The following HMCN2 variants were observed in gnomAD, a reference collection of about 807,000 sequenced individuals.
HMCN2 encodes hemicentin 2, also known as hemicentin-2.
HMCN2 carries 325 observed loss-of-function variants against 377.5 expected under a neutral mutation model. The ratio of observed to expected loss-of-function variants is 0.86; its 90% confidence interval spans 0.79 to 0.94. The LOEUF is 0.94. Among genes scored for constraint, HMCN2 ranks in the 40% least tolerant of loss-of-function variants. The pLI is 0.00. For missense variants in HMCN2, 4,543 were observed against 4,725.3 expected (o/e 0.96, Z 1.13); for synonymous variants, 2,007 against 2,046.8 (o/e 0.98, Z 0.53).
intron 24 of HMCN2, among the ~76,000 whole-genome samples, chr9:130,341,631 G>T (rs1317754670): frequency 5.9e-5 from 9 of 152,188 alleles, no homozygotes; most frequent in Non-Finnish European, 5.9e-5. Flanking sequence ...TTACCCTTGG[G>T]TGGTGACCTG....
intron 31 of HMCN2, among the ~76,000 whole-genome samples, chr9:130,353,571 G>T (rs1296361436): frequency 6.6e-6 from 1 of 152,216 alleles, no homozygotes. Context: ...GACCAGAGGG[G>T]CACTTTGCAG....
intron 40 of HMCN2, 86 bp from the exon 41 acceptor site, chr9:130,364,628 T>C (rs948748940): frequency 5.7e-5 from 39 of 681,702 alleles, no homozygotes; most frequent in Admixed American, 1.9e-4. Context: ...CTGCTGCGAG[T>C]AGCTAGGCCT....
At position 130,433,172 on chromosome 9, in the gene HMCN2, C is replaced by G. The variant is rs1844865070; in HGVS notation, c.14895-176C>G. 4 of 517,530 alleles carry G rather than the reference C, an allele frequency of 7.7e-6. No homozygotes were observed. In the Admixed American group the frequency reaches 1.7e-4, roughly 22 times the overall value. 32.1% of individuals were successfully genotyped at this position (517,530 alleles called of 1,614,324 possible). A position where few individuals can be genotyped will look rare whatever the true frequency, so the allele number is the denominator to read the frequency against. On this transcript the variant is annotated intron_variant, in intron 97 of 97. Transcript: ENST00000683500. ...TCTCTGGGCTTCAGTTTGTTGAACT[C>G]TAAAACGGGCTAGCGTGGGAGCCTG...
chr9:130,365,823 C>T, intron 42 of HMCN2, 53 bp from the exon 43 acceptor site: 1 of 982,806 alleles, frequency 1.0e-6, no homozygotes, highest in Non-Finnish European at 1.2e-6. Flanking sequence ...CCTTGCTCAT[C>T]CCCTCCCCAT....
intron 90 of HMCN2, among the ~76,000 whole-genome samples, chr9:130,426,964 T>C (rs1161793427): frequency 3.3e-5 from 5 of 152,184 alleles, no homozygotes; most frequent in African/African-American, 7.2e-5. Flanking sequence ...TCTGACGCTA[T>C]CCTCTGCCCC....
rs551241710 is a variant in HMCN2, at chr9:130,430,927, A to G, written c.14647+323A>G. 116 of 383,018 alleles carry G rather than the reference A, an allele frequency of 3.0e-4. No homozygotes were observed. The Middle Eastern group carries it at 3.5e-3, about 12-fold the overall frequency. The allele number at this position is 383,018 out of a possible 1,614,324, so 23.7% of individuals were successfully genotyped here. ...ACACTCCTCTTAGCACTCAGAGGGA[A>G]AGCAGTCAGGGAGGGAGATTTTCAG... On this transcript the variant is annotated intron_variant, in intron 95 of 97. Transcript: ENST00000683500.
chr9:130,297,964 T>C (rs901348005), intron 7 of HMCN2, among the ~76,000 whole-genome samples: 1 of 151,604 alleles, frequency 6.6e-6, no homozygotes, highest in African/African-American at 2.4e-5. Context: ...TCCAAGATAA[T>C]TTTTTTTTGA....
At chr9:130,397,110 A>G (rs1842642458) in intron 73 of HMCN2, among the ~76,000 whole-genome samples, 1 of 152,240 alleles carries the variant, frequency 6.6e-6, no homozygotes, top group Non-Finnish European at 1.5e-5. Context: ...TGGGCAATTT[A>G]CAAAAGAAAG....
intron 15 of HMCN2, among the ~76,000 whole-genome samples, chr9:130,310,851 A>G (rs1200865898): frequency 2.0e-5 from 3 of 152,064 alleles, no homozygotes; most frequent in Admixed American, 6.5e-5. Flanking sequence ...TCAGTTTCCC[A>G]TGTGTAAAGT....
chr9:130,415,293 A>G (rs1209065096), intron 85 of HMCN2, among the ~76,000 whole-genome samples: 4 of 152,252 alleles, frequency 2.6e-5, no homozygotes, highest in Admixed American at 2.0e-4. Context: ...CTGATACTCA[A>G]CAGACACCAA....
chr9:130,395,291 G>A lies in HMCN2; in HGVS notation c.10855G>A (p.Val3619Met). The change falls in exon 71 of 98, where the codon GTG becomes ATG. Residue 3619 changes from valine to methionine, a missense_variant. Coordinates refer to ENST00000683500, the MANE Select transcript of HMCN2 (RefSeq NM_001291815.2). Reference sequence around the variant, plus strand: ...AGGGCAGCTGGTCCTGGAGTGTTCGGTGGAGGCAGAGCCAGCGCCCAAGAT... The same window carrying A: ...AGGGCAGCTGGTCCTGGAGTGTTCGATGGAGGCAGAGCCAGCGCCCAAGAT... ...APGQLVLECSVEAEPAPKITW... is the reference protein window; with the variant it reads ...APGQLVLECSMEAEPAPKITW... 7.8e-7 allele frequency: 1 copy of A among 1,289,606 alleles called. No homozygotes were observed. The highest frequency in any genetic ancestry group is 1.2e-5 in the South Asian group (1 of 81,004). The allele number at this position is 1,289,606 out of a possible 1,614,324, so 79.9% of individuals were successfully genotyped here.
chr9:130,338,668 C>A (rs1270160935), intron 23 of HMCN2: 1 of 152,186 alleles, frequency 6.6e-6, no homozygotes, highest in Non-Finnish European at 1.5e-5. Flanking sequence ...TCAAAGGGAG[C>A]CAGCCAGTGG....
chr9:130,373,887 G>T (rs1841225051), intron 48 of HMCN2, among the ~76,000 whole-genome samples: 1 of 150,138 alleles, frequency 6.7e-6, no homozygotes, highest in Non-Finnish European at 1.5e-5. Context: ...TGCATGGATG[G>T]ATGGATGGAT....
In HMCN2 at chr9:130,299,052, C is replaced by T. The variant is rs1554933189; in HGVS notation, c.1040C>T (p.Ser347Phe). 1 of 470,822 alleles carries T rather than the reference C, an allele frequency of 2.1e-6. No individual in the cohort carries two copies. Among genetic ancestry groups the T allele is most frequent in the Non-Finnish European group, 4.4e-6 (1 of 226,842 alleles). 29.2% of individuals were successfully genotyped at this position (470,822 alleles called of 1,614,324 possible). Residue 347 changes from serine (S) to phenylalanine (F), a missense_variant, in exon 8 of 98, where the codon TCC becomes TTC. By Grantham distance (155) the Ser-to-Phe change is radical (BLOSUM62 -2). Coordinates refer to ENST00000683500, the MANE Select transcript of HMCN2 (RefSeq NM_001291815.2). ...QGVPISLVIN[S>F]TGLKAPGRLD... ...GTCCCCATCTCCCTGGTGATCAATTCCACGGGCCTGAAGGCACCCGGCCGC... is the reference window on the plus strand; with the variant it reads ...GTCCCCATCTCCCTGGTGATCAATTTCACGGGCCTGAAGGCACCCGGCCGC...
chr9:130,325,302 G>A (rs1460911530), intron 19 of HMCN2, among the ~76,000 whole-genome samples: 1 of 151,868 alleles, frequency 6.6e-6, no homozygotes, highest in African/African-American at 2.4e-5. Flanking sequence ...CACCAAGTTG[G>A]CCAGGCTGGT....
intron 33 of HMCN2, 100 bp downstream of exon 33, chr9:130,355,954 C>T (rs968058369): frequency 1.4e-5 from 13 of 933,502 alleles, no homozygotes; most frequent in African/African-American, 3.4e-5. Flanking sequence ...TTCCTGTTTC[C>T]AGGAGTAGGA....
chr9:130,348,555 C>T lies in HMCN2; in HGVS notation c.4035C>T (p.Ser1345=), dbSNP rs577199870. 3.8e-6 allele frequency: 5 copies of T among 1,304,058 alleles called. No individual in the cohort carries two copies. Among genetic ancestry groups the T allele is most frequent in the South Asian group, 3.7e-5 (3 of 81,018 alleles). The allele number at this position is 1,304,058 out of a possible 1,614,324, so 80.8% of individuals were successfully genotyped here. ...CTCCTTGCCCCCAAGTGCCCCCCAG[C>T]ATCCGGGAGGACGGGCGCAAGGCCA... ...RAKLVVYVPP[S]IREDGRKANV... Residue 1345 remains serine, a synonymous_variant, in exon 27 of 98, where the codon AGC becomes AGT. Transcript: ENST00000683500.
At chr9:130,401,066 C>T (rs1842839358) in intron 77 of HMCN2, 119 bp downstream of exon 77, 1 of 904,360 alleles carries the variant, frequency 1.1e-6, no homozygotes. Context: ...ACTGCCTCTC[C>T]TGGCTGTGTG....
Position 130,397,620 on chromosome 9 carries a change from G to T in HMCN2, c.11291G>T (p.Gly3764Val). Residue 3764 changes from glycine (G) to valine (V), a missense_variant, in exon 74 of 98, where the codon GGC becomes GTC. Gly to Val is a moderately radical substitution (Grantham distance 109). This residue lies in a region of HMCN2 where 1,073 missense variants were observed against 1,319.5 expected (regional missense o/e 0.81). Coordinates refer to ENST00000683500, the MANE Select transcript of HMCN2 (RefSeq NM_001291815.2). ...HYLCLASNSA[G>V]SDRQGRDLRV... is the part of the protein sequence containing the mutation. ...CTCTGCCTGGCATCCAACTCTGCTG[G>T]CTCCGATCGTCAAGGCCGTGACCTA... 1.6e-6 allele frequency: 2 copies of T among 1,289,822 alleles called. No individual in the cohort carries two copies. The highest frequency in any genetic ancestry group is 2.0e-6 in the Non-Finnish European group (2 of 988,880). The allele number at this position is 1,289,822 out of a possible 1,614,324, so 79.9% of individuals were successfully genotyped here.
Sources: gnomAD v4.1 joint callset for allele counts (sites outside exome capture counted in the v4.1 genomes callset) on GRCh38, gnomAD v4.1.1 for gene constraint, gnomAD v4.1.1 regional missense constraint, MANE v1.5 for transcripts, NCBI Gene and HGNC (gene_info 2026-07-23, HGNC 2026-07-21) for gene names.